Variants in CACNB2 observed in about 807,000 individuals in gnomAD.
CACNB2 encodes the protein voltage-dependent L-type calcium channel subunit beta-2.
A neutral mutation model predicts 73.3 loss-of-function variants in CACNB2; 42 were observed. The observed-to-expected ratio is 0.57, with a 90% confidence interval of 0.45 to 0.74. The LOEUF is 0.74. Ranked by LOEUF, CACNB2 falls within the 30% of genes least tolerant of loss-of-function variation. The probability of loss-of-function intolerance (pLI) is 0.00; values close to 1 mark genes in which losing one functional copy is unlikely to be tolerated. For synonymous variants in CACNB2, 348 were observed against 310.3 expected (o/e 1.12, Z -1.28); for missense variants, 940 against 853.0 (o/e 1.10, Z -1.27).
At chr10:18,475,623 C>T (rs2048402254) in intron 3 of CACNB2, among the ~76,000 whole-genome samples, 1 of 152,142 alleles carries the variant, frequency 6.6e-6, no homozygotes, top group African/African-American at 2.4e-5. Context: ...ATTGATCCTC[C>T]CCCTGACCTT....
At chr10:18,178,403 T>A (rs1371040189) in intron 2 of CACNB2, among the ~76,000 whole-genome samples, 2 of 152,190 alleles carry the variant, frequency 1.3e-5, no homozygotes, top group Non-Finnish European at 2.9e-5. Context: ...TGATTAAATA[T>A]CTGAATTGTG....
intron 2 of CACNB2, among the ~76,000 whole-genome samples, chr10:18,367,054 T>C (rs1318370464): frequency 6.6e-6 from 1 of 152,230 alleles, no homozygotes; most frequent in Non-Finnish European, 1.5e-5. Flanking sequence ...GTACGAAACA[T>C]GTACTACGAT....
chr10:18,452,704 C>T (rs1012058318), intron 3 of CACNB2, among the ~76,000 whole-genome samples: 5 of 152,108 alleles, frequency 3.3e-5, no homozygotes, highest in South Asian at 2.1e-4. Context: ...ACCAACACAC[C>T]GGGCAAGGTT....
At chr10:18,279,476 G>T (rs993471869) in intron 2 of CACNB2, among the ~76,000 whole-genome samples, 3 of 152,174 alleles carry the variant, frequency 2.0e-5, no homozygotes, top group African/African-American at 7.2e-5. Context: ...GTTCTACTGG[G>T]ATGTGTCTTT....
intron 2 of CACNB2, chr10:18,260,548 G>T: frequency 1.0e-6 from 1 of 985,850 alleles, no homozygotes; most frequent in Non-Finnish European, 1.2e-6. Context: ...CCTACTGCAG[G>T]ACAAAGCATC....
intron 2 of CACNB2, chr10:18,261,069 CA>C: frequency 5.2e-6 from 7 of 1,349,148 alleles, no homozygotes; most frequent in Non-Finnish European, 6.7e-6. Context: ...AAAAGACAAA[CA>C]GGGGAGAACA....
intron 2 of CACNB2, among the ~76,000 whole-genome samples, chr10:18,346,685 C>T (rs554075032): frequency 2.0e-5 from 3 of 152,154 alleles, no homozygotes; most frequent in African/African-American, 7.2e-5. Context: ...CAACCTCCGC[C>T]TCCCAGGCTC....
At chr10:18,442,926 GTATA>G (rs1316286386) in intron 3 of CACNB2, among the ~76,000 whole-genome samples, 2 of 49,464 alleles carry the variant, frequency 4.0e-5, no homozygotes, top group African/African-American at 2.6e-4. Context: ...ATATATATAT[GTATA>G]TATATATATA....
At chr10:18,481,603 T>C (rs997637976) in intron 3 of CACNB2, among the ~76,000 whole-genome samples, 3 of 151,886 alleles carry the variant, frequency 2.0e-5, no homozygotes, top group Non-Finnish European at 4.4e-5. Context: ...CAGAAGATAG[T>C]CCAGAAGGAT....
At chr10:18,271,931 C>T (rs1002944548) in intron 2 of CACNB2, among the ~76,000 whole-genome samples, 4 of 152,106 alleles carry the variant, frequency 2.6e-5, no homozygotes, top group African/African-American at 7.2e-5. Context: ...TTTATGTAAC[C>T]TACCCTGATT....
At chr10:18,506,662 T>C in intron 6 of CACNB2, 115 bp downstream of exon 6, 1 of 743,472 alleles carries the variant, frequency 1.3e-6, no homozygotes, top group South Asian at 1.5e-5. Context: ...CTACAGATGT[T>C]AAAAGGAATC....
rs200348808 is a variant in CACNB2 at position 18,472,221 on chromosome 10, C to CTTTTTT, written c.334-26106_334-26101dup. 2.0e-4 allele frequency among the ~76,000 whole-genome samples: 24 copies of CTTTTTT among 119,408 alleles called. 1 individual carries two copies. Among genetic ancestry groups the CTTTTTT allele is most frequent in the Admixed American group, 2.8e-4 (3 of 10,618 alleles). The allele number at this position is 119,408 out of a possible 152,430, so 78.3% of individuals were successfully genotyped here. ...CTTTAATATCCGGCCCACTTTTCTTCTTTTTTTTTTTTTTTTTTTTTTTTT... is the reference window on the plus strand; with the variant it reads ...CTTTAATATCCGGCCCACTTTTCTTCTTTTTTTTTTTTTTTTTTTTTTTTTTTTTTT... On this transcript the variant is annotated intron_variant, in intron 3 of 13. Coordinates refer to ENST00000324631, the MANE Select transcript of CACNB2 (RefSeq NM_201596.3).
At chr10:18,166,551 C>G (rs2032865352) in intron 2 of CACNB2, among the ~76,000 whole-genome samples, 2 of 152,160 alleles carry the variant, frequency 1.3e-5, no homozygotes, top group South Asian at 2.1e-4. Context: ...TCGCTAAACT[C>G]ATAAATATTC....
intron 9 of CACNB2, among the ~76,000 whole-genome samples, chr10:18,524,213 T>TG (rs2052215831): frequency 6.6e-6 from 1 of 152,102 alleles, no homozygotes; most frequent in South Asian, 2.1e-4. Context: ...CACGGTTTTT[T>TG]TTTTTTGTTT....
chr10:18,359,133 G>A (rs1044544020), intron 2 of CACNB2, among the ~76,000 whole-genome samples: 2 of 151,590 alleles, frequency 1.3e-5, no homozygotes, highest in South Asian at 2.1e-4. Flanking sequence ...TAACTTCTAC[G>A]TTATTTAGGG....
At chr10:18,411,441 A>G (rs1428401030) in intron 3 of CACNB2, among the ~76,000 whole-genome samples, 1 of 152,032 alleles carries the variant, frequency 6.6e-6, no homozygotes, top group Non-Finnish European at 1.5e-5. Flanking sequence ...TTAATGCCCA[A>G]TCACTGCTCA....
intron 2 of CACNB2, among the ~76,000 whole-genome samples, chr10:18,359,656 A>C (rs1318078204): frequency 1.3e-5 from 2 of 151,222 alleles, no homozygotes; most frequent in African/African-American, 4.9e-5. Context: ...CAGAACATGC[A>C]GGTTTGTTGC....
chr10:18,516,848 CTTGA>C (rs1350350289), intron 7 of CACNB2, among the ~76,000 whole-genome samples: 1 of 151,560 alleles, frequency 6.6e-6, no homozygotes, highest in Non-Finnish European at 1.5e-5. Flanking sequence ...TGTATTCTAC[CTTGA>C]TTGTGTCAAT....
intron 2 of CACNB2, among the ~76,000 whole-genome samples, chr10:18,156,021 A>G (rs2131064153): frequency 6.6e-6 from 1 of 152,144 alleles, no homozygotes; most frequent in Middle Eastern, 3.4e-3. Flanking sequence ...CATTAGTCAT[A>G]ATTAATTCTG....
Sources: allele counts gnomAD v4.1 joint callset (sites outside exome capture counted in the v4.1 genomes callset), GRCh38; gene constraint gnomAD v4.1.1; transcripts MANE v1.5; gene names NCBI Gene and HGNC (gene_info 2026-07-23, HGNC 2026-07-21).